The following BRD3 variants were observed in gnomAD, a reference collection of about 807,000 sequenced individuals.
BRD3 encodes the protein bromodomain-containing protein 3.
In BRD3, 17 loss-of-function variants were observed where a neutral mutation model predicts 66.8. The ratio of observed to expected loss-of-function variants is 0.25; its 90% CI spans 0.17 to 0.38. BRD3 has a LOEUF of 0.38. BRD3 is among the 10% of genes least tolerant of loss of function. The pLI is 1.00. For missense variants in BRD3, 713 were observed against 956.1 expected, an observed-to-expected ratio of 0.75 and a Z score of 3.35; for synonymous variants, 421 against 393.2, an observed-to-expected ratio of 1.07 and a Z score of -0.84.
chr9:134,058,551 G>GT (rs1398991899), intron 1 of BRD3: 2 of 152,250 alleles, frequency 1.3e-5, no homozygotes, highest in Admixed American at 1.3e-4. Flanking sequence ...TGACCACTCC[G>GT]TGTCACCTGC....
rs151205928 is a variant in BRD3, at chr9:134,040,102, C to T, written c.1575G>A (p.Pro525=). 4.0e-5 allele frequency: 63 copies of T among 1,582,960 alleles called. No homozygotes were observed. The Middle Eastern group carries it at 6.6e-4, about 17-fold the overall frequency. Residue 525 remains proline, a synonymous_variant, in exon 9 of 12, where the codon CCG becomes CCA. Transcript: ENST00000303407. The stretch of plus-strand genomic sequence containing the variant: ...TCTTCTGCTGAGCCTGCTTGGCAGG[C>T]GGAGCCACCTTGGCCTTCTTCTCTT... ...AEEEKKAKVA[P]PAKQAQQKKA... is the part of the protein sequence containing the mutation.
At chr9:134,046,908 T>C (rs1428523423) in intron 6 of BRD3, among the ~76,000 whole-genome samples, 1 of 152,252 alleles carries the variant, frequency 6.6e-6, no homozygotes, top group African/African-American at 2.4e-5. Context: ...TAAGCTGAGC[T>C]TGAGTCCAGC....
chr9:134,063,119 G>T (rs940996588), intron 1 of BRD3, among the ~76,000 whole-genome samples: 1 of 152,218 alleles, frequency 6.6e-6, no homozygotes, highest in Non-Finnish European at 1.5e-5. Context: ...GGGCCAGCAG[G>T]GCCGCAGCTC....
chr9:134,042,646 TACACACACAC>T lies in BRD3; in HGVS notation c.1216-705_1216-696del, dbSNP rs149487771. ...AGTGAGACCCTGCCTCAAATATATA[TACACACACAC>T]ACACACACACACACATATATATACA... On this transcript the variant is annotated intron_variant, in intron 7 of 11. Coordinates refer to ENST00000303407, the MANE Select transcript of BRD3 (RefSeq NM_007371.4). Among the ~76,000 whole-genome samples the T allele has an allele frequency of 8.2e-5, 11 of 134,870 alleles. No individual in the cohort carries two copies. The East Asian group carries it at 1.4e-3, about 17-fold the overall frequency. The allele number at this position is 134,870 out of a possible 152,430, so 88.5% of individuals were successfully genotyped here.
rs146519689 is a variant in BRD3, at chr9:134,040,042, C to T, written c.1635G>A (p.Thr545=). Residue 545 remains threonine, a synonymous_variant, in exon 9 of 12, where the codon ACG becomes ACA. Transcript: ENST00000303407. ...APAKKANSTT[T]AGRQLKKGGK... is the part of the protein sequence containing the mutation. ...GCAGGTCTGGAGCCCACCTGCCGGC[C>T]GTGGTCGTGCTGTTGGCCTTCTTGG... 173 of 1,589,642 alleles carry T rather than the reference C, an allele frequency of 1.1e-4. No individual in the cohort carries two copies. The highest frequency in any genetic ancestry group is 9.2e-4 in the African/African-American group (69 of 74,726).
chr9:134,058,162 T>A (rs1830464058), intron 1 of BRD3: 1 of 152,322 alleles, frequency 6.6e-6, no homozygotes, highest in South Asian at 2.1e-4. Context: ...TGCGCAGGCA[T>A]GAGAGTCATG....
chr9:134,045,193 TC>T lies in BRD3; in HGVS notation c.1215+99del, dbSNP rs1830140996. On this transcript the variant is annotated intron_variant, in intron 7 of 11. Coordinates refer to ENST00000303407, the MANE Select transcript of BRD3 (RefSeq NM_007371.4). This position sits in a 1 kb window ranked among gnomAD's most constrained non-coding sequence, Gnocchi z 4.8. ...GAGGGAATGAGGCTCTCTAAGGCCTTCCTCGGCTGGACATTCACCTGGGCGC... is the reference window on the plus strand; with the variant it reads ...GAGGGAATGAGGCTCTCTAAGGCCTTCTCGGCTGGACATTCACCTGGGCGC... 6.6e-7 allele frequency: 1 copy of T among 1,506,892 alleles called. No individual in the cohort carries two copies. Among genetic ancestry groups the T allele is most frequent in the African/African-American group, 1.4e-5 (1 of 72,570 alleles). 93.3% of individuals were successfully genotyped at this position (1,506,892 alleles called of 1,614,324 possible).
In BRD3 at chr9:134,045,558, GA is replaced by G; in HGVS notation, c.1087-138del. 1 of 1,279,198 alleles carries G rather than the reference GA, an allele frequency of 7.8e-7. No homozygotes were observed. The highest frequency in any genetic ancestry group is 1.1e-6 in the Non-Finnish European group (1 of 915,336). 79.2% of individuals were successfully genotyped at this position (1,279,198 alleles called of 1,614,324 possible). A position where few individuals can be genotyped will look rare whatever the true frequency, so the allele number is the denominator to read the frequency against. The stretch of plus-strand genomic sequence containing the variant: ...CAGTGCCTACTGGCCTGGCCGGCAG[GA>G]CACCCCAGCTCTCTGGGACCTCGTA... On this transcript the variant is annotated intron_variant, in intron 6 of 11. Coordinates refer to ENST00000303407, the MANE Select transcript of BRD3 (RefSeq NM_007371.4). This position sits in a 1 kb window ranked among gnomAD's most constrained non-coding sequence, Gnocchi z 4.8.
intron 1 of BRD3, among the ~76,000 whole-genome samples, chr9:134,064,005 A>G (rs888528133): frequency 6.6e-6 from 1 of 152,180 alleles, no homozygotes; most frequent in African/African-American, 2.4e-5. Context: ...CATCTTCCCA[A>G]CACCAGGCTC....
chr9:134,035,611 C>G (rs1843592667), intron 10 of BRD3, among the ~76,000 whole-genome samples: 1 of 152,222 alleles, frequency 6.6e-6, no homozygotes, highest in Non-Finnish European at 1.5e-5. Context: ...GTCTGCCCTG[C>G]AAGGGACCAT....
intron 1 of BRD3, 52 bp from the exon 2 acceptor site, chr9:134,053,642 C>T: frequency 7.1e-7 from 1 of 1,418,152 alleles, no homozygotes; most frequent in Non-Finnish European, 9.2e-7. Flanking sequence ...CCGGGGACCC[C>T]CACCTCTCCC....
rs1464507474 is a variant in BRD3, at chr9:134,048,336, C to A, written c.833G>T (p.Arg278Leu). Residue 278 changes from arginine to leucine, a missense_variant, in exon 6 of 12, where the codon CGG becomes CTG. Transcript: ENST00000303407. ...GATGGGGCGGCCACCACTCTCCCGCCGGGCCACCACTTTGGCCTGCTTGGG... is the reference window on the plus strand; with the variant it reads ...GATGGGGCGGCCACCACTCTCCCGCAGGGCCACCACTTTGGCCTGCTTGGG... The part of the protein sequence containing the change: ...SDPKQAKVVA[R>L]RESGGRPIKP... 2 of 1,599,140 alleles carry A rather than the reference C, an allele frequency of 1.3e-6. No homozygotes were observed. The highest frequency in any genetic ancestry group is 4.5e-5 in the East Asian group (2 of 44,858).
chr9:134,041,993 T>C, intron 7 of BRD3, 42 bp from the exon 8 acceptor site: 2 of 1,512,368 alleles, frequency 1.3e-6, no homozygotes, highest in Non-Finnish European at 1.8e-6. Context: ...TGGGTGCCCA[T>C]GGGGCTGCCC....
Position 134,030,993 on chromosome 9 carries a change from G to A in BRD3, c.*2597C>T. On this transcript the variant is annotated 3_prime_UTR_variant, in exon 12 of 12. Coordinates refer to ENST00000303407, the MANE Select transcript of BRD3 (RefSeq NM_007371.4). ...CTTCTAATACAGAAGAAACGGACGT[G>A]ACTGTCACCCTCAGCCCGCCAGCAA... The A allele has an allele frequency of 4.3e-6, 1 of 231,212 alleles. No homozygotes were observed. The highest frequency in any genetic ancestry group is 8.6e-6 in the Non-Finnish European group (1 of 116,716). 14.3% of individuals were successfully genotyped at this position (231,212 alleles called of 1,614,324 possible).
intron 1 of BRD3, 156 bp from the exon 2 acceptor site, chr9:134,053,746 G>A: frequency 1.6e-6 from 1 of 623,018 alleles, no homozygotes; most frequent in East Asian, 3.1e-5. Context: ...GTGAGAGGCT[G>A]TCGGGAAAGC....
At chr9:134,058,368 C>G (rs1205347733) in intron 1 of BRD3, 1 of 152,278 alleles carries the variant, frequency 6.6e-6, no homozygotes, top group Non-Finnish European at 1.5e-5. Flanking sequence ...CGTGGACGAA[C>G]AGAGGTAACA....
chr9:134,054,598 T>TA (rs1241628701), intron 1 of BRD3: 8 of 152,278 alleles, frequency 5.3e-5, no homozygotes, highest in Admixed American at 4.6e-4. Flanking sequence ...AACTGACAGT[T>TA]AGACAGGTCA....
intron 1 of BRD3, among the ~76,000 whole-genome samples, chr9:134,061,329 G>A (rs1276729694): frequency 6.6e-6 from 1 of 152,254 alleles, no homozygotes; most frequent in African/African-American, 2.4e-5. Context: ...CCAGGGATGG[G>A]GAGTCCCAGC....
In BRD3 at chr9:134,053,576, C is replaced by T. The variant is rs1004167143; in HGVS notation, c.-99G>A. ...AAAGCGCGACGTCCCATTTCCGGGC[C>T]CAACCAGGCGACAGCTGCAGAGGAG... On this transcript the variant is annotated 5_prime_UTR_variant, in exon 2 of 12. Transcript: ENST00000303407. 3 of 1,447,714 alleles carry T rather than the reference C, an allele frequency of 2.1e-6. No homozygotes were observed. Among genetic ancestry groups the T allele is most frequent in the Admixed American group, 2.6e-5 (1 of 39,008 alleles). 89.7% of individuals were successfully genotyped at this position (1,447,714 alleles called of 1,614,324 possible). A position where few individuals can be genotyped will look rare whatever the true frequency, so the allele number is the denominator to read the frequency against.
Sources: allele counts gnomAD v4.1 joint callset (sites outside exome capture counted in the v4.1 genomes callset), GRCh38; gene constraint gnomAD v4.1.1; non-coding constraint Gnocchi (gnomAD v3.1); transcripts MANE v1.5; gene names NCBI Gene and HGNC (gene_info 2026-07-23, HGNC 2026-07-21).